PARP8: variants seen among roughly 807,000 people sequenced by gnomAD.
PARP8 encodes protein mono-ADP-ribosyltransferase PARP8.
In PARP8, 51 loss-of-function variants were observed where a neutral mutation model predicts 124.1. That is an observed-to-expected ratio of 0.41 (90% CI 0.33 to 0.52). The LOEUF (loss-of-function observed/expected upper bound fraction) is 0.52, where lower values mean the gene tolerates loss of function less well. PARP8 is among the 20% of genes least tolerant of loss of function. The pLI, the probability that PARP8 is intolerant of heterozygous loss-of-function variation, is 0.21. For synonymous variants in PARP8, 391 were observed against 361.5 expected (o/e 1.08, Z -0.93); for missense variants, 860 against 1,018.9 (o/e 0.84, Z 2.12).
chr5:50,726,764 G>T (rs1165337791), intron 2 of PARP8, among the ~76,000 whole-genome samples: 1 of 152,144 alleles, frequency 6.6e-6, no homozygotes, highest in Non-Finnish European at 1.5e-5. Context: ...AGACGGTCTA[G>T]GGCCTGTCAA....
At chr5:50,781,973 G>T (rs2149618149) in intron 9 of PARP8, among the ~76,000 whole-genome samples, 1 of 152,150 alleles carries the variant, frequency 6.6e-6, no homozygotes, top group Admixed American at 6.5e-5. Flanking sequence ...TTTGCCCCTT[G>T]TCTGCACTCA....
rs559791207 is a variant in PARP8, at chr5:50,831,071, A to G, written c.2233+1110A>G. ...ACTTGGAACGCTTAAAACCAGATTT[A>G]TAATTAGAAATACTAAAAGAAATCA... is the stretch of plus-strand genomic sequence containing the variant. On this transcript the variant is annotated intron_variant, in intron 22 of 25. Transcript: ENST00000281631. Among the ~76,000 whole-genome samples, 8 of 152,344 alleles carry G rather than the reference A, an allele frequency of 5.3e-5. No individual in the cohort carries two copies. The South Asian group carries it at 1.7e-3, about 32-fold the overall frequency.
chr5:50,810,648 A>G (rs988688936), intron 14 of PARP8, among the ~76,000 whole-genome samples: 1 of 152,066 alleles, frequency 6.6e-6, no homozygotes, highest in African/African-American at 2.4e-5. Context: ...ACTTTCTTTT[A>G]GTGCAGTATC....
In PARP8 at chr5:50,796,556, T is replaced by C. The variant is rs1292450629; in HGVS notation, c.1429-426T>C. ...TAATAACCTCTGATATGGCTAAGCATAATTCATAGTTTTCTGTTATGACAC... is the reference window on the plus strand; with the variant it reads ...TAATAACCTCTGATATGGCTAAGCACAATTCATAGTTTTCTGTTATGACAC... On this transcript the variant is annotated intron_variant, in intron 12 of 25. Transcript: ENST00000281631. 3.3e-5 allele frequency among the ~76,000 whole-genome samples: 5 copies of C among 152,332 alleles called. No homozygotes were observed. In the East Asian group the frequency reaches 7.7e-4, roughly 24 times the overall value.
intron 12 of PARP8, 32 bp from the exon 13 acceptor site, chr5:50,796,950 A>T (rs1742622376): frequency 3.2e-6 from 5 of 1,575,684 alleles, no homozygotes; most frequent in Non-Finnish European, 4.3e-6. Context: ...ATTTAAAAAA[A>T]TTATCATTTT....
chr5:50,769,390 G>GA (rs544458971), intron 7 of PARP8, among the ~76,000 whole-genome samples: 12 of 151,282 alleles, frequency 7.9e-5, no homozygotes, highest in Non-Finnish European at 1.3e-4. Context: ...AAAGATGGGA[G>GA]AAAAAAAATG....
chr5:50,773,165 T>G (rs1237057547), intron 7 of PARP8, among the ~76,000 whole-genome samples: 1 of 152,198 alleles, frequency 6.6e-6, no homozygotes, highest in South Asian at 2.1e-4. Context: ...GTTGATTGTT[T>G]CCTTTTTAGT....
rs142086806 is a variant in PARP8, at chr5:50,746,375, G to A, written c.147-3776G>A. ...TTGTTTGCTATAATGGGTATGTGAT[G>A]CACATGTGATAAAGTAACATAGAAC... On this transcript the variant is annotated intron_variant, in intron 2 of 25. Coordinates refer to ENST00000281631, the MANE Select transcript of PARP8 (RefSeq NM_024615.4). Among the ~76,000 whole-genome samples the A allele has an allele frequency of 6.8e-3, 1,041 of 152,180 alleles. 8 individuals carry two copies. Among genetic ancestry groups the A allele is most frequent in the East Asian group, 0.039 (203 of 5,176 alleles).
intron 9 of PARP8, among the ~76,000 whole-genome samples, chr5:50,781,939 C>T (rs1740719475): frequency 6.6e-6 from 1 of 152,122 alleles, no homozygotes; most frequent in Admixed American, 6.5e-5. Context: ...TTGCTTCCTC[C>T]TGAGAACAAT....
intron 9 of PARP8, among the ~76,000 whole-genome samples, chr5:50,785,252 G>C (rs1741115525): frequency 6.6e-6 from 1 of 151,988 alleles, no homozygotes; most frequent in Non-Finnish European, 1.5e-5. Flanking sequence ...ACACTTTCTA[G>C]TCATGCATAG....
At chr5:50,673,744 C>G (rs1163991393) in intron 2 of PARP8, among the ~76,000 whole-genome samples, 4 of 152,178 alleles carry the variant, frequency 2.6e-5, no homozygotes. Flanking sequence ...AGTGCCTGAG[C>G]CCAGTGCTAA....
intron 1 of PARP8, 190 bp from the exon 2 acceptor site, chr5:50,667,881 C>G: frequency 1.3e-6 from 2 of 1,490,798 alleles, no homozygotes; most frequent in African/African-American, 1.4e-5. Context: ...GGGGCGGCCT[C>G]CCGCTGCACC....
At chr5:50,691,146 A>G (rs1437777688) in intron 2 of PARP8, among the ~76,000 whole-genome samples, 1 of 152,138 alleles carries the variant, frequency 6.6e-6, no homozygotes, top group Non-Finnish European at 1.5e-5. Context: ...TTTTCTCACT[A>G]ACTTCTTTCT....
chr5:50,806,316 A>G (rs1239652744), intron 14 of PARP8, among the ~76,000 whole-genome samples: 1 of 151,948 alleles, frequency 6.6e-6, no homozygotes, highest in Non-Finnish European at 1.5e-5. Context: ...AATTGACTAC[A>G]TTTATGTTCT....
intron 14 of PARP8, among the ~76,000 whole-genome samples, chr5:50,800,569 G>A (rs930552632): frequency 2.6e-5 from 4 of 152,080 alleles, no homozygotes; most frequent in Non-Finnish European, 5.9e-5. Flanking sequence ...TTACCAGGTT[G>A]AGAAAAATCC....
chr5:50,748,285 A>AG (rs545653702), intron 2 of PARP8, among the ~76,000 whole-genome samples: 42 of 152,066 alleles, frequency 2.8e-4, no homozygotes, highest in Non-Finnish European at 5.6e-4. Context: ...ATCATATGTA[A>AG]GGATTTTGCA....
chr5:50,769,038 T>C (rs938750667), intron 7 of PARP8, among the ~76,000 whole-genome samples: 13 of 152,206 alleles, frequency 8.5e-5, no homozygotes, highest in African/African-American at 2.2e-4. Flanking sequence ...TGTTCTGCTA[T>C]GTTGAAGAAG....
chr5:50,797,972 G>A (rs757138413), intron 14 of PARP8, among the ~76,000 whole-genome samples: 21 of 151,830 alleles, frequency 1.4e-4, no homozygotes, highest in Admixed American at 5.9e-4. Context: ...CCCAATTTCC[G>A]CCTCCTGTCA....
intron 2 of PARP8, among the ~76,000 whole-genome samples, chr5:50,732,100 G>A (rs1757027675): frequency 6.6e-6 from 1 of 152,098 alleles, no homozygotes; most frequent in Non-Finnish European, 1.5e-5. Context: ...ACAAACTGAT[G>A]GTAATTAAAA....
Sources: gnomAD v4.1 joint callset for allele counts (sites outside exome capture counted in the v4.1 genomes callset) on GRCh38, gnomAD v4.1.1 for gene constraint, MANE v1.5 for transcripts, NCBI Gene and HGNC (gene_info 2026-07-23, HGNC 2026-07-21) for gene names.